The following MAN1A1 variants were observed in gnomAD, a reference collection of about 807,000 sequenced individuals.
The protein encoded by MAN1A1 is mannosidase alpha class 1A member 1.
A neutral mutation model predicts 70.8 loss-of-function variants in MAN1A1; 29 were observed. That is an observed-to-expected ratio of 0.41 (90% CI 0.31 to 0.56). The LOEUF is 0.56. MAN1A1 is among the 20% of genes least tolerant of loss of function. The probability of loss-of-function intolerance (pLI) is 0.29; values close to 1 mark genes in which losing one functional copy is unlikely to be tolerated. For missense variants in MAN1A1, 747 were observed against 841.3 expected, an observed-to-expected ratio of 0.89 and a Z score of 1.39; for synonymous variants, 349 against 330.1, an observed-to-expected ratio of 1.06 and a Z score of -0.62.
intron 6 of MAN1A1, among the ~76,000 whole-genome samples, chr6:119,206,355 T>C (rs140857430): frequency 9.2e-4 from 140 of 152,280 alleles, no homozygotes; most frequent in African/African-American, 3.3e-3. Context: ...CAGCTCTGGG[T>C]AAACCCTTTC....
intron 2 of MAN1A1, among the ~76,000 whole-genome samples, chr6:119,312,700 C>T (rs1025762341): frequency 2.0e-5 from 3 of 152,128 alleles, no homozygotes; most frequent in Non-Finnish European, 4.4e-5. Context: ...AGGCCAGCTG[C>T]CTCAGGGTCT....
chr6:119,286,602 TA>T (rs1212315389), intron 5 of MAN1A1, among the ~76,000 whole-genome samples: 2 of 152,152 alleles, frequency 1.3e-5, no homozygotes, highest in Admixed American at 1.3e-4. Context: ...TCATCTACTG[TA>T]AAAATCCATT....
chr6:119,182,426 C>G, intron 11 of MAN1A1, among the ~76,000 whole-genome samples: 1 of 151,834 alleles, frequency 6.6e-6, no homozygotes, highest in Non-Finnish European at 1.5e-5. Context: ...AAATCATTGC[C>G]AAGCTCAATG....
At chr6:119,215,694 AAT>A (rs1444393699) in intron 6 of MAN1A1, among the ~76,000 whole-genome samples, 8 of 152,202 alleles carry the variant, frequency 5.3e-5, no homozygotes, top group African/African-American at 1.9e-4. Context: ...GTATAATAAC[AAT>A]ATTTTTTGGG....
intron 6 of MAN1A1, among the ~76,000 whole-genome samples, chr6:119,240,509 T>C (rs1774975072): frequency 6.6e-6 from 1 of 152,100 alleles, no homozygotes; most frequent in Non-Finnish European, 1.5e-5. Flanking sequence ...CTACAGCCTG[T>C]GTTCAGAGGC....
intron 5 of MAN1A1, among the ~76,000 whole-genome samples, chr6:119,285,777 T>A (rs1358638433): frequency 2.0e-5 from 3 of 152,196 alleles, no homozygotes; most frequent in African/African-American, 4.8e-5. Flanking sequence ...AGGGTGCTAA[T>A]GTATTTCTGG....
chr6:119,274,036 A>G (rs9489648), intron 5 of MAN1A1, among the ~76,000 whole-genome samples: 6,281 of 152,288 alleles, frequency 0.041, 145 homozygotes, highest in African/African-American at 0.054. Flanking sequence ...ATTATTTGAG[A>G]GGACCTCCTG....
At chr6:119,261,596 A>C (rs544918740) in intron 5 of MAN1A1, among the ~76,000 whole-genome samples, 2 of 152,334 alleles carry the variant, frequency 1.3e-5, no homozygotes, top group South Asian at 4.1e-4. Context: ...AAGAAAATGA[A>C]GACAAATACT....
chr6:119,346,889 T>C (rs1183286632), intron 2 of MAN1A1, among the ~76,000 whole-genome samples: 5 of 152,206 alleles, frequency 3.3e-5, no homozygotes, highest in Non-Finnish European at 7.3e-5. Context: ...TAATTTCCTA[T>C]GGTTTTGGTT....
intron 2 of MAN1A1, among the ~76,000 whole-genome samples, chr6:119,316,174 G>GT (rs1772846817): frequency 3.2e-5 from 4 of 124,052 alleles, no homozygotes; most frequent in Admixed American, 1.8e-4. Context: ...CATTTTTGTG[G>GT]GTTTTTTTTT....
intron 6 of MAN1A1, among the ~76,000 whole-genome samples, chr6:119,238,826 A>AT (rs1774924904): frequency 6.6e-6 from 1 of 152,162 alleles, no homozygotes; most frequent in Non-Finnish European, 1.5e-5. Flanking sequence ...TCCCACTCAC[A>AT]TTTTCAGGAT....
rs143008036 is a variant in MAN1A1 at position 119,277,701 on chromosome 6, C to T, written c.897+12982G>A. 3.4e-3 allele frequency among the ~76,000 whole-genome samples: 518 copies of T among 151,670 alleles called. 7 individuals carry two copies. The highest frequency in any genetic ancestry group is 0.026 in the South Asian group (123 of 4,798). Reference sequence around the variant, plus strand: ...CCTGTAATCCCGGCACTTTGGGAGGCCGAGGTGGGTGAATCACGAGGTCAG... The same window carrying T: ...CCTGTAATCCCGGCACTTTGGGAGGTCGAGGTGGGTGAATCACGAGGTCAG... On this transcript the variant is annotated intron_variant, in intron 5 of 12. Transcript: ENST00000368468.
At chr6:119,258,661 CA>C (rs1307894094) in intron 5 of MAN1A1, among the ~76,000 whole-genome samples, 1 of 152,130 alleles carries the variant, frequency 6.6e-6, no homozygotes, top group Non-Finnish European at 1.5e-5. Flanking sequence ...AGTTATGAAG[CA>C]TTCTACACTA....
chr6:119,325,999 A>G (rs995671021), intron 2 of MAN1A1, among the ~76,000 whole-genome samples: 2 of 152,232 alleles, frequency 1.3e-5, no homozygotes, highest in Admixed American at 6.5e-5. Context: ...TGTTGAACAT[A>G]AATCACAGCA....
chr6:119,226,445 A>G (rs1306834280), intron 6 of MAN1A1, among the ~76,000 whole-genome samples: 3 of 152,196 alleles, frequency 2.0e-5, no homozygotes, highest in Non-Finnish European at 2.9e-5. Context: ...AGAAGGAAAC[A>G]TCATTATTGT....
intron 4 of MAN1A1, among the ~76,000 whole-genome samples, chr6:119,300,948 G>T (rs1478896233): frequency 6.6e-6 from 1 of 152,136 alleles, no homozygotes. Flanking sequence ...ATAGATGGGG[G>T]AAAGACTTAG....
chr6:119,282,878 G>A (rs189814145), intron 5 of MAN1A1, among the ~76,000 whole-genome samples: 1 of 152,024 alleles, frequency 6.6e-6, no homozygotes, highest in East Asian at 1.9e-4. Context: ...TCAAATTAAG[G>A]ACCATATATG....
intron 5 of MAN1A1, among the ~76,000 whole-genome samples, chr6:119,279,199 C>T (rs1776162046): frequency 6.6e-6 from 1 of 152,278 alleles, no homozygotes; most frequent in Middle Eastern, 3.4e-3. Context: ...TAAATTATGG[C>T]TACTACTCCT....
chr6:119,328,241 G>C (rs1187342513), intron 2 of MAN1A1, among the ~76,000 whole-genome samples: 1 of 152,150 alleles, frequency 6.6e-6, no homozygotes, highest in Non-Finnish European at 1.5e-5. Flanking sequence ...TGGCAGACAG[G>C]GATTTAGAAA....
Sources: gnomAD v4.1 joint callset for allele counts (sites outside exome capture counted in the v4.1 genomes callset) on GRCh38, gnomAD v4.1.1 for gene constraint, MANE v1.5 for transcripts, NCBI Gene and HGNC (gene_info 2026-07-23, HGNC 2026-07-21) for gene names.